The following ETV2 variants were observed in gnomAD, a reference collection of about 807,000 sequenced individuals.
ETV2 encodes ETS variant transcription factor 2.
Under a neutral mutation model 35.7 loss-of-function variants are expected in ETV2, and 34 were observed. The observed-to-expected ratio is 0.95, with a 90% CI of 0.72 to 1.27. ETV2 has a LOEUF of 1.27. Ranked by LOEUF, ETV2 falls within the 50% of genes most tolerant of loss-of-function variation. The pLI, the probability that ETV2 is intolerant of heterozygous loss-of-function variation, is 0.00. For synonymous variants in ETV2, 207 were observed against 203.9 expected, an observed-to-expected ratio of 1.02 and a Z score of -0.13; for missense variants, 512 against 470.5, an observed-to-expected ratio of 1.09 and a Z score of -0.82.
In ETV2 at chr19:35,642,622, C is replaced by T. The variant is rs1224690370; in HGVS notation, c.78C>T (p.Ala26=). The part of the protein sequence containing the change: ...PGNKLAGLEG[A]KLGFCFPDLA... ...ACCCCTTATCGCCTGCAGAAGGAGC[C>T]AAATTAGGCTTCTGTTTCCCTGATC... The change falls in exon 3 of 7, where the codon GCC becomes GCT. Residue 26 remains alanine (A), a synonymous_variant. Coordinates refer to ENST00000402764, the MANE Select transcript of ETV2 (RefSeq NM_014209.4). The surrounding 1 kb of genome is among the most constrained non-coding windows in gnomAD (Gnocchi z 4.4). The T allele has an allele frequency of 6.2e-7, 1 of 1,609,262 alleles. No individual in the cohort carries two copies. The highest frequency in any genetic ancestry group is 1.7e-4 in the Middle Eastern group (1 of 6,054).
rs1249035089 is a variant in ETV2, at chr19:35,644,302, T to C, written c.783T>C (p.Arg261=). The C allele has an allele frequency of 6.4e-7, 1 of 1,557,814 alleles. No individual in the cohort carries two copies. The highest frequency in any genetic ancestry group is 1.4e-5 in the African/African-American group (1 of 73,336). ...LHDGARSSCI[R]WTGNSREFQL... ...ACGGGGCGCGTAGCAGCTGCATCCG[T>C]TGGACTGGCAACAGCCGCGAGTTCC... is the stretch of plus-strand genomic sequence containing the variant. The change falls in exon 6 of 7, where the codon CGT becomes CGC. Residue 261 remains arginine (R), a synonymous_variant. Transcript: ENST00000402764. This position sits in a 1 kb window ranked among gnomAD's most constrained non-coding sequence, Gnocchi z 4.7.
Position 35,642,109 on chromosome 19 carries a change from T to G in ETV2, c.-75T>G. 5.8e-6 allele frequency: 1 copy of G among 173,098 alleles called. No individual in the cohort carries two copies. The highest frequency in any genetic ancestry group is 1.2e-5 in the Non-Finnish European group (1 of 81,838). The allele number at this position is 173,098 out of a possible 1,614,324, so 10.7% of individuals were successfully genotyped here. On this transcript the variant is annotated 5_prime_UTR_variant, in exon 1 of 7. An upstream start codon of the reference 5' UTR is lost. Transcript: ENST00000402764. The surrounding 1 kb of genome is among the most constrained non-coding windows in gnomAD (Gnocchi z 4.4). ...CCCTTGGGGGAGGGGGTGCATGGTA[T>G]GAAATGGGGCTGAGACCCCCGGCTG...
Position 35,643,164 on chromosome 19 carries a change from C to T in ETV2, c.236-110C>T. ...CACCTGCGCCCTCAAGGTGGCATGA[C>T]CTGGATCCGGGTCAGCCGGGCCCCA... On this transcript the variant is annotated intron_variant, in intron 4 of 6. Coordinates refer to ENST00000402764, the MANE Select transcript of ETV2 (RefSeq NM_014209.4). The surrounding 1 kb of genome is among the most constrained non-coding windows in gnomAD (Gnocchi z 5.0). 6.8e-7 allele frequency: 1 copy of T among 1,471,920 alleles called. No individual in the cohort carries two copies. Among genetic ancestry groups the T allele is most frequent in the Non-Finnish European group, 9.2e-7 (1 of 1,091,232 alleles). 91.2% of individuals were successfully genotyped at this position (1,471,920 alleles called of 1,614,324 possible).
rs3835005 is a variant in ETV2, at chr19:35,644,377, C to CT, written c.828+30_828+31insT. On this transcript the variant is annotated intron_variant, in intron 6 of 6. Coordinates refer to ENST00000402764, the MANE Select transcript of ETV2 (RefSeq NM_014209.4). This position sits in a 1 kb window ranked among gnomAD's most constrained non-coding sequence, Gnocchi z 4.7. ...GGCAGCTCCCCTGCCCAGCCAAATC[C>CT]GCCCCGTCTCTTCTAGTTCAATTTA... 930,983 of 1,377,740 alleles carry CT rather than the reference C, an allele frequency of 0.68. 321,585 individuals are homozygous for CT. The highest frequency in any genetic ancestry group is 0.94 in the African/African-American group (65,767 of 69,930). The allele number at this position is 1,377,740 out of a possible 1,614,324, so 85.3% of individuals were successfully genotyped here. A position where few individuals can be genotyped will look rare whatever the true frequency, so the allele number is the denominator to read the frequency against.
chr19:35,644,501 G>C lies in ETV2; in HGVS notation c.829-151G>C. On this transcript the variant is annotated intron_variant, in intron 6 of 6. Coordinates refer to ENST00000402764, the MANE Select transcript of ETV2 (RefSeq NM_014209.4). This position sits in a 1 kb window ranked among gnomAD's most constrained non-coding sequence, Gnocchi z 4.7. Reference sequence around the variant, plus strand: ...CAACCCTTCTCAAACCCAATCTCCCGCCTGTACTCCTGCCTCAACCAACCC... The same window carrying C: ...CAACCCTTCTCAAACCCAATCTCCCCCCTGTACTCCTGCCTCAACCAACCC... 2.2e-6 allele frequency: 2 copies of C among 918,246 alleles called. No homozygotes were observed. Among genetic ancestry groups the C allele is most frequent in the Non-Finnish European group, 3.3e-6 (2 of 607,484 alleles). 56.9% of individuals were successfully genotyped at this position (918,246 alleles called of 1,614,324 possible).
Position 35,642,972 on chromosome 19 carries a change from C to A in ETV2, c.162C>A (p.Ser54Arg), listed in dbSNP as rs1967644326. The A allele has an allele frequency of 1.3e-6, 2 of 1,567,494 alleles. No individual in the cohort carries two copies. The highest frequency in any genetic ancestry group is 2.3e-5 in the South Asian group (2 of 85,736). Residue 54 changes from serine to arginine, a missense_variant, in exon 4 of 7, where the codon AGC (serine) becomes AGA (arginine). Physicochemically the swap from Ser to Arg is moderately radical, Grantham distance 110. Coordinates refer to ENST00000402764, the MANE Select transcript of ETV2 (RefSeq NM_014209.4). The surrounding 1 kb of genome is among the most constrained non-coding windows in gnomAD (Gnocchi z 4.4). ...AGTCCTCCCTAAACTCAGGTACAAG[C>A]TCATCCCTGGCAAGCTTCCCACAGC... Reference protein sequence around the residue: ...ATAETCWKGTSSSLASFPQLD... With the variant: ...ATAETCWKGTRSSLASFPQLD...
rs116092459 is a variant in ETV2 at position 35,643,647 on chromosome 19, C to T, written c.609C>T (p.Thr203=). Reference sequence around the variant, plus strand: ...ACCCGGGGCTGCATGCGGGTGGCACCACCTCTTTGAAGCGGTACCAGAGCT... The same window carrying T: ...ACCCGGGGCTGCATGCGGGTGGCACTACCTCTTTGAAGCGGTACCAGAGCT... ...SWNPGLHAGG[T]TSLKRYQSSA... is the part of the protein sequence containing the mutation. The change falls in exon 5 of 7, where the codon ACC becomes ACT. Residue 203 remains threonine, a synonymous_variant. Transcript: ENST00000402764. The surrounding 1 kb of genome is among the most constrained non-coding windows in gnomAD (Gnocchi z 5.0). 7.5e-4 allele frequency: 1,217 copies of T among 1,613,670 alleles called. 5 individuals carry two copies. In the African/African-American group the frequency reaches 0.015, roughly 20 times the overall value.
At position 35,643,419 on chromosome 19, in the gene ETV2, C is replaced by G; in HGVS notation, c.381C>G (p.Ala127=). ...GPIPAAGSEG[A]AGQNCVPVAG... Reference sequence around the variant, plus strand: ...TCCCCGCCGCCGGCTCCGAAGGCGCCGCGGGCCAGAACTGCGTCCCCGTGG... The same window carrying G: ...TCCCCGCCGCCGGCTCCGAAGGCGCGGCGGGCCAGAACTGCGTCCCCGTGG... The change falls in exon 5 of 7, where the codon GCC becomes GCG. Residue 127 remains alanine, a synonymous_variant. Transcript: ENST00000402764. The surrounding 1 kb of genome is among the most constrained non-coding windows in gnomAD (Gnocchi z 5.0). 1 of 1,543,478 alleles carries G rather than the reference C, an allele frequency of 6.5e-7. No individual in the cohort carries two copies. The highest frequency in any genetic ancestry group is 8.7e-7 in the Non-Finnish European group (1 of 1,144,576).
Position 35,643,116 on chromosome 19 carries a change from C to T in ETV2, c.235+71C>T. On this transcript the variant is annotated intron_variant, in intron 4 of 6. Transcript: ENST00000402764. The surrounding 1 kb of genome is among the most constrained non-coding windows in gnomAD (Gnocchi z 5.0). Reference sequence around the variant, plus strand: ...GGCACCGGGGCTAGAGGTGTAGACTCCCTGATCTTTGAGGACTGAGAACAC... The same window carrying T: ...GGCACCGGGGCTAGAGGTGTAGACTTCCTGATCTTTGAGGACTGAGAACAC... 7.3e-7 allele frequency: 1 copy of T among 1,375,732 alleles called. No individual in the cohort carries two copies. The highest frequency in any genetic ancestry group is 1.0e-6 in the Non-Finnish European group (1 of 1,001,436). 85.2% of individuals were successfully genotyped at this position (1,375,732 alleles called of 1,614,324 possible).
Position 35,643,678 on chromosome 19 carries a change from C to G in ETV2, c.640C>G (p.Leu214Val), listed in dbSNP as rs1277199348. 1 of 1,613,838 alleles carries G rather than the reference C, an allele frequency of 6.2e-7. No homozygotes were observed. Among genetic ancestry groups the G allele is most frequent in the South Asian group, 1.1e-5 (1 of 91,084 alleles). ...TTTGAAGCGGTACCAGAGCTCAGCT[C>G]TCACCGTTTGCTCCGAACCGAGCCC... ...TSLKRYQSSA[L>V]TVCSEPSPQS... Residue 214 changes from leucine to valine, a missense_variant, in exon 5 of 7, where the codon CTC becomes GTC. Leu to Val is a conservative substitution (Grantham distance 32). Coordinates refer to ENST00000402764, the MANE Select transcript of ETV2 (RefSeq NM_014209.4). The surrounding 1 kb of genome is among the most constrained non-coding windows in gnomAD (Gnocchi z 5.0).
Position 35,642,513 on chromosome 19 carries a change from A to G in ETV2, c.53A>G (p.Asn18Ser). ...EASPQEVPPG[N>S]KLAGLEGAKL... is the part of the protein sequence containing the mutation. ...TCCCCACAGGAAGTGCCTCCAGGGA[A>G]CAAGCTGGCAGGGCTTGGTAGGCTG... is the stretch of plus-strand genomic sequence containing the variant. The change falls in exon 2 of 7, where the codon AAC becomes AGC. Residue 18 changes from asparagine to serine, a missense_variant. Asn to Ser is a conservative substitution (Grantham distance 46). Transcript: ENST00000402764. This position sits in a 1 kb window ranked among gnomAD's most constrained non-coding sequence, Gnocchi z 4.4. 1.2e-6 allele frequency: 2 copies of G among 1,613,094 alleles called. No individual in the cohort carries two copies. Among genetic ancestry groups the G allele is most frequent in the Non-Finnish European group, 1.7e-6 (2 of 1,179,406 alleles).
rs542044615 is a variant in ETV2, at chr19:35,643,698, G to A, written c.660G>A (p.Pro220=). The change falls in exon 5 of 7, where the codon CCG becomes CCA. Residue 220 remains proline (P), a synonymous_variant. Transcript: ENST00000402764. This position sits in a 1 kb window ranked among gnomAD's most constrained non-coding sequence, Gnocchi z 5.0. ...CAGCTCTCACCGTTTGCTCCGAACC[G>A]AGCCCGCAGTCGGACCGTGCCAGTT... ...QSSALTVCSE[P]SPQSDRASLA... 1.9e-6 allele frequency: 3 copies of A among 1,613,872 alleles called. No homozygotes were observed. The highest frequency in any genetic ancestry group is 1.3e-5 in the African/African-American group (1 of 75,058).
chr19:35,643,717 G>C lies in ETV2; in HGVS notation c.679G>C (p.Ala227Pro), dbSNP rs1436819502. The change falls in exon 5 of 7, where the codon GCC (alanine) becomes CCC (proline). Residue 227 changes from alanine to proline, a missense_variant. Coordinates refer to ENST00000402764, the MANE Select transcript of ETV2 (RefSeq NM_014209.4). The surrounding 1 kb of genome is among the most constrained non-coding windows in gnomAD (Gnocchi z 5.0). ...CSEPSPQSDR[A>P]SLARCPKTNH... ...CGAACCGAGCCCGCAGTCGGACCGT[G>C]CCAGTTTGGCTCGATGCCCCAAAAC... The C allele has an allele frequency of 1.2e-6, 2 of 1,613,826 alleles. No individual in the cohort carries two copies. Among genetic ancestry groups the C allele is most frequent in the Admixed American group, 3.3e-5 (2 of 60,016 alleles).
chr19:35,643,649 C>T lies in ETV2; in HGVS notation c.611C>T (p.Thr204Ile), dbSNP rs1967684973. 6.2e-7 allele frequency: 1 copy of T among 1,613,758 alleles called. No homozygotes were observed. Among genetic ancestry groups the T allele is most frequent in the Non-Finnish European group, 8.5e-7 (1 of 1,179,826 alleles). Reference sequence around the variant, plus strand: ...CCGGGGCTGCATGCGGGTGGCACCACCTCTTTGAAGCGGTACCAGAGCTCA... The same window carrying T: ...CCGGGGCTGCATGCGGGTGGCACCATCTCTTTGAAGCGGTACCAGAGCTCA... Reference protein sequence around the residue: ...WNPGLHAGGTTSLKRYQSSAL... With the variant: ...WNPGLHAGGTISLKRYQSSAL... The change falls in exon 5 of 7, where the codon ACC becomes ATC. Residue 204 changes from threonine to isoleucine, a missense_variant. Transcript: ENST00000402764. The surrounding 1 kb of genome is among the most constrained non-coding windows in gnomAD (Gnocchi z 5.0).
chr19:35,644,196 G>A lies in ETV2; in HGVS notation c.716-39G>A. ...GATCATTGAAGTGGTGTGATCTAGG[G>A]CCGGGAAGACTGAGTGTGCCCCTCC... On this transcript the variant is annotated intron_variant, in intron 5 of 6. Transcript: ENST00000402764. The surrounding 1 kb of genome is among the most constrained non-coding windows in gnomAD (Gnocchi z 4.7). 1 of 1,357,972 alleles carries A rather than the reference G, an allele frequency of 7.4e-7. No individual in the cohort carries two copies. The highest frequency in any genetic ancestry group is 1.0e-6 in the Non-Finnish European group (1 of 971,188). The allele number at this position is 1,357,972 out of a possible 1,614,324, so 84.1% of individuals were successfully genotyped here. A position where few individuals can be genotyped will look rare whatever the true frequency, so the allele number is the denominator to read the frequency against.
chr19:35,643,338 C>T lies in ETV2; in HGVS notation c.300C>T (p.Asp100=), dbSNP rs753561269. The change falls in exon 5 of 7, where the codon GAC becomes GAT. Residue 100 remains aspartate (D), a synonymous_variant. Transcript: ENST00000402764. The surrounding 1 kb of genome is among the most constrained non-coding windows in gnomAD (Gnocchi z 5.0). ...CAGACATGGCGTGCACAGCCTGGGACTCTTGGAGCGGCGCCTCGCAGACCC... is the reference window on the plus strand; with the variant it reads ...CAGACATGGCGTGCACAGCCTGGGATTCTTGGAGCGGCGCCTCGCAGACCC... ...DWTDMACTAW[D]SWSGASQTLG... is the part of the protein sequence containing the mutation. The T allele has an allele frequency of 6.3e-7, 1 of 1,598,036 alleles. No homozygotes were observed. The highest frequency in any genetic ancestry group is 8.5e-7 in the Non-Finnish European group (1 of 1,173,908).
In ETV2 at chr19:35,642,822, A is replaced by AC; in HGVS notation, c.154+128dup. On this transcript the variant is annotated intron_variant, in intron 3 of 6. Coordinates refer to ENST00000402764, the MANE Select transcript of ETV2 (RefSeq NM_014209.4). The surrounding 1 kb of genome is among the most constrained non-coding windows in gnomAD (Gnocchi z 4.4). ...TGGGTGGGGAGGGGCCGCGTGCTTG[A>AC]CCCCTGAGGGTGAAGGAAAAGGGGG... 1 of 989,500 alleles carries AC rather than the reference A, an allele frequency of 1.0e-6. No homozygotes were observed. The allele number at this position is 989,500 out of a possible 1,614,324, so 61.3% of individuals were successfully genotyped here. A position where few individuals can be genotyped will look rare whatever the true frequency, so the allele number is the denominator to read the frequency against.
At position 35,642,246 on chromosome 19, in the gene ETV2, T is replaced by G; in HGVS notation, c.-28+90T>G. 2.0e-6 allele frequency: 1 copy of G among 493,618 alleles called. No individual in the cohort carries two copies. Among genetic ancestry groups the G allele is most frequent in the Middle Eastern group, 5.3e-4 (1 of 1,902 alleles). 30.6% of individuals were successfully genotyped at this position (493,618 alleles called of 1,614,324 possible). On this transcript the variant is annotated intron_variant, in intron 1 of 6. Transcript: ENST00000402764. The surrounding 1 kb of genome is among the most constrained non-coding windows in gnomAD (Gnocchi z 4.4). ...CTCCCAAGAAGCCGGGGGCCTGGAC[T>G]CCTGGGTCTAACAGAGGAAGAGAGC...
chr19:35,642,823 C>T lies in ETV2; in HGVS notation c.154+125C>T. On this transcript the variant is annotated intron_variant, in intron 3 of 6. Transcript: ENST00000402764. This position sits in a 1 kb window ranked among gnomAD's most constrained non-coding sequence, Gnocchi z 4.4. ...GGGTGGGGAGGGGCCGCGTGCTTGA[C>T]CCCTGAGGGTGAAGGAAAAGGGGGC... The T allele has an allele frequency of 9.9e-7, 1 of 1,006,864 alleles. No individual in the cohort carries two copies. 62.4% of individuals were successfully genotyped at this position (1,006,864 alleles called of 1,614,324 possible). A position where few individuals can be genotyped will look rare whatever the true frequency, so the allele number is the denominator to read the frequency against.
Sources: allele counts gnomAD v4.1 joint callset, GRCh38; gene constraint gnomAD v4.1.1; non-coding constraint Gnocchi (gnomAD v3.1); transcripts MANE v1.5; gene names NCBI Gene and HGNC (gene_info 2026-07-23, HGNC 2026-07-21).